Variants in NLGN4X observed in about 807,000 individuals in gnomAD.
NLGN4X encodes neuroligin-4, X-linked.
NLGN4X carries 3 observed loss-of-function variants against 40.3 expected under a neutral mutation model. The observed-to-expected ratio is 0.07, with a 90% CI of 0.03 to 0.19. The LOEUF (loss-of-function observed/expected upper bound fraction) is 0.19. Ranked by LOEUF, NLGN4X falls within the 10% of genes least tolerant of loss-of-function variation. The pLI, the probability that NLGN4X is intolerant of heterozygous loss-of-function variation, is 1.00. For missense variants in NLGN4X, 382 were observed against 708.3 expected, an observed-to-expected ratio of 0.54 and a Z score of 5.23; for synonymous variants, 270 against 306.8, an observed-to-expected ratio of 0.88 and a Z score of 1.25.
chrX:6,212,014 G>A (rs182293262), intron 1 of NLGN4X, among the ~76,000 whole-genome samples: 21 of 111,360 alleles, frequency 1.9e-4, no homozygotes, highest in African/African-American at 6.5e-4. Flanking sequence ...AGGAGGTTGA[G>A]GTGGGCGGCT....
chrX:6,141,867 T>G (rs1325180907), intron 2 of NLGN4X, among the ~76,000 whole-genome samples: 1 of 111,208 alleles, frequency 9.0e-6, no homozygotes, highest in Non-Finnish European at 1.9e-5. Context: ...ATTAATAGCT[T>G]GGCTAAAATA....
At chrX:6,189,412 C>T (rs926005809) in intron 1 of NLGN4X, among the ~76,000 whole-genome samples, 1 of 112,183 alleles carries the variant, frequency 8.9e-6, no homozygotes, top group Non-Finnish European at 1.9e-5. Flanking sequence ...AGCATTCCCC[C>T]CTTAAGAGAA....
At chrX:6,168,770 C>T (rs969179964) in intron 1 of NLGN4X, among the ~76,000 whole-genome samples, 2 of 111,607 alleles carry the variant, frequency 1.8e-5, no homozygotes, top group Admixed American at 1.9e-4. Context: ...CTGCACCTGT[C>T]CTTTTTATTT....
intron 2 of NLGN4X, among the ~76,000 whole-genome samples, chrX:6,137,658 G>A (rs2039850385): frequency 9.0e-6 from 1 of 111,665 alleles, no homozygotes; most frequent in Non-Finnish European, 1.9e-5. Context: ...TGATGATGGC[G>A]ATGACTCTGA....
At chrX:6,144,650 A>C (rs969015145) in intron 2 of NLGN4X, among the ~76,000 whole-genome samples, 2 of 111,258 alleles carry the variant, frequency 1.8e-5, no homozygotes, top group Non-Finnish European at 3.8e-5. Flanking sequence ...AGCAATGTCC[A>C]GGTATCTCTT....
At chrX:5,895,928 T>A (rs1257338052) in intron 5 of NLGN4X, among the ~76,000 whole-genome samples, 1 of 112,196 alleles carries the variant, frequency 8.9e-6, no homozygotes, top group Non-Finnish European at 1.9e-5. Context: ...CTGAAATAAT[T>A]TTAAAATTTT....
intron 3 of NLGN4X, among the ~76,000 whole-genome samples, chrX:6,023,503 T>C (rs2036605033): frequency 8.9e-6 from 1 of 111,952 alleles, no homozygotes; most frequent in African/African-American, 3.2e-5. Context: ...TGTGGATGAG[T>C]TCTGAGTGGT....
At chrX:5,934,620 C>T (rs1220988001) in intron 3 of NLGN4X, among the ~76,000 whole-genome samples, 1 of 111,769 alleles carries the variant, frequency 8.9e-6, no homozygotes, top group Non-Finnish European at 1.9e-5. Flanking sequence ...ATGGGAGACC[C>T]TAAGAAGAGG....
intron 4 of NLGN4X, among the ~76,000 whole-genome samples, chrX:5,908,488 T>G (rs2032319884): frequency 9.0e-6 from 1 of 111,294 alleles, no homozygotes; most frequent in Non-Finnish European, 1.9e-5. Context: ...TAGAAGTTAA[T>G]AAAATTTCAA....
chrX:5,966,553 A>G (rs2034839597), intron 3 of NLGN4X, among the ~76,000 whole-genome samples: 1 of 112,756 alleles, frequency 8.9e-6, no homozygotes. Context: ...AATGAAAAGT[A>G]GTGTTTTACC....
At chrX:6,065,406 G>A (rs1325166367) in intron 2 of NLGN4X, among the ~76,000 whole-genome samples, 2 of 110,280 alleles carry the variant, frequency 1.8e-5, no homozygotes, top group African/African-American at 6.6e-5. Flanking sequence ...GATAGGAAAA[G>A]ATAAAGATGC....
At chrX:5,991,918 G>A (rs573904696) in intron 3 of NLGN4X, among the ~76,000 whole-genome samples, 2 of 112,165 alleles carry the variant, frequency 1.8e-5, no homozygotes, top group African/African-American at 6.5e-5. Context: ...ACATTTCTAC[G>A]AGTAGGATTA....
intron 3 of NLGN4X, among the ~76,000 whole-genome samples, chrX:5,943,427 C>T (rs1234830205): frequency 8.9e-6 from 1 of 111,819 alleles, no homozygotes; most frequent in Non-Finnish European, 1.9e-5. Flanking sequence ...GCTACTCACA[C>T]TTCAGAGCTT....
At chrX:6,055,780 G>A (rs1246632044) in intron 2 of NLGN4X, among the ~76,000 whole-genome samples, 1 of 111,734 alleles carries the variant, frequency 8.9e-6, no homozygotes, top group African/African-American at 3.3e-5. Context: ...TATTCAAGTT[G>A]TAGAGGATTT....
intron 4 of NLGN4X, among the ~76,000 whole-genome samples, chrX:5,904,158 CT>C (rs2032056774): frequency 9.0e-6 from 1 of 111,357 alleles, no homozygotes; most frequent in South Asian, 3.8e-4. Context: ...CATGTGATTT[CT>C]TTTTCCTTCC....
chrX:6,158,546 CAA>C (rs961493575), intron 1 of NLGN4X, among the ~76,000 whole-genome samples: 5 of 111,895 alleles, frequency 4.5e-5, no homozygotes, highest in African/African-American at 1.6e-4. Flanking sequence ...TACAAACAAA[CAA>C]TGATACCAAG....
At chrX:6,227,016 A>G (rs1438817798) in intron 1 of NLGN4X, 1 of 111,873 alleles carries the variant, frequency 8.9e-6, no homozygotes, top group Admixed American at 9.4e-5. Context: ...CCCCTCGCCC[A>G]CCCCGCACTG....
chrX:6,032,682 A>G (rs1242800985), intron 2 of NLGN4X: 2 of 1,178,994 alleles, frequency 1.7e-6, no homozygotes, highest in Non-Finnish European at 2.3e-6. Flanking sequence ...TTGAAAAAAC[A>G]AAAAATACCT....
intron 3 of NLGN4X, among the ~76,000 whole-genome samples, chrX:5,952,044 C>T (rs532387096): frequency 5.4e-5 from 6 of 112,059 alleles, no homozygotes; most frequent in African/African-American, 1.6e-4. Context: ...AGGGAAAATG[C>T]AGAATGGCCA....
Sources: gnomAD v4.1 joint callset for allele counts (sites outside exome capture counted in the v4.1 genomes callset) on GRCh38, gnomAD v4.1.1 for gene constraint, MANE v1.5 for transcripts, NCBI Gene and HGNC (gene_info 2026-07-23, HGNC 2026-07-21) for gene names.